USP6: variants seen among roughly 807,000 people sequenced by gnomAD.
USP6 encodes the protein ubiquitin carboxyl-terminal hydrolase 6.
Under a neutral mutation model 175.7 loss-of-function variants are expected in USP6, and 128 were observed. That is an observed-to-expected ratio of 0.73 (90% CI 0.63 to 0.84). The LOEUF (loss-of-function observed/expected upper bound fraction) is 0.84, where lower values mean the gene tolerates loss of function less well. Among genes scored for constraint, USP6 ranks in the 40% least tolerant of loss-of-function variants. The pLI, the probability that USP6 is intolerant of heterozygous loss-of-function variation, is 0.00. For missense variants in USP6, 1,498 were observed against 1,760.3 expected (o/e 0.85, Z 2.67); for synonymous variants, 562 against 630.6 (o/e 0.89, Z 1.63).
At chr17:5,143,230 G>A (rs1220928681) in intron 25 of USP6, among the ~76,000 whole-genome samples, 3 of 152,128 alleles carry the variant, frequency 2.0e-5, no homozygotes, top group African/African-American at 4.8e-5. Flanking sequence ...CCCTCTGCCC[G>A]GCCACCACCC....
At chr17:5,148,453 T>G in intron 29 of USP6, 103 bp from the exon 30 acceptor site, 2 of 1,317,740 alleles carry the variant, frequency 1.5e-6, no homozygotes, top group Non-Finnish European at 2.1e-6. Context: ...CCCTGCCCTG[T>G]GTTAAGAGAC....
At chr17:5,136,488 C>A (rs1057457177) in intron 17 of USP6, 152 bp from the exon 18 acceptor site, 19 of 1,075,362 alleles carry the variant, frequency 1.8e-5, no homozygotes, top group Non-Finnish European at 2.6e-5. Context: ...TGTCCCACCT[C>A]CCCAGGGCAA....
intron 2 of USP6, among the ~76,000 whole-genome samples, chr17:5,119,795 A>C (rs913229000): frequency 1.1e-4 from 17 of 152,182 alleles, no homozygotes; most frequent in African/African-American, 4.1e-4. Context: ...CCATCATCTC[A>C]GCTGATAAAC....
intron 9 of USP6, 129 bp downstream of exon 9, chr17:5,130,218 G>A: frequency 1.4e-6 from 1 of 702,656 alleles, no homozygotes; most frequent in Middle Eastern, 3.9e-4. Flanking sequence ...GGAGGTGTGG[G>A]CCATGGGGTT....
At chr17:5,137,304 A>G (rs780396260) in intron 19 of USP6, 118 bp downstream of exon 19, 54 of 1,300,774 alleles carry the variant, frequency 4.2e-5, no homozygotes, top group Non-Finnish European at 5.9e-5. Context: ...CGGGTCCCCG[A>G]AGGACACACA....
intron 4 of USP6, among the ~76,000 whole-genome samples, chr17:5,122,200 C>T (rs537533497): frequency 1.3e-5 from 2 of 151,966 alleles, no homozygotes; most frequent in African/African-American, 2.4e-5. Context: ...TAGCTCAAAA[C>T]AGCAGGACTG....
At position 5,173,527 on chromosome 17, in the gene USP6, C is replaced by A. The variant is rs1275229804; in HGVS notation, c.*549C>A. 4.6e-6 allele frequency: 1 copy of A among 218,696 alleles called. No individual in the cohort carries two copies. Among genetic ancestry groups the A allele is most frequent in the Non-Finnish European group, 9.2e-6 (1 of 108,720 alleles). The allele number at this position is 218,696 out of a possible 1,614,324, so 13.5% of individuals were successfully genotyped here. A position where few individuals can be genotyped will look rare whatever the true frequency, so the allele number is the denominator to read the frequency against. On this transcript the variant is annotated 3_prime_UTR_variant, in exon 38 of 38. Coordinates refer to ENST00000574788, the MANE Select transcript of USP6 (RefSeq NM_001304284.2). Reference sequence around the variant, plus strand: ...TTTTTAAACTGTTTCCATACCCTTTCTTTTTCTTGCTTTTTGTTTTTGCCA... The same window carrying A: ...TTTTTAAACTGTTTCCATACCCTTTATTTTTCTTGCTTTTTGTTTTTGCCA...
rs2072934252 is a variant in USP6, at chr17:5,127,649, TATAGTC to T, written c.-338+13_-338+18del. On this transcript the variant is annotated intron_variant, in intron 7 of 37. Transcript: ENST00000574788. ...TGAGAAGCCTTCCTGAGTGAGTTTA[TATAGTC>T]ATCCCTTGGTATCCATGGAGGATTA... The T allele has an allele frequency of 6.6e-6, 1 of 152,210 alleles. No homozygotes were observed. The allele number at this position is 152,210 out of a possible 1,614,324, so 9.4% of individuals were successfully genotyped here.
At chr17:5,118,836 C>A (rs903637930) in intron 2 of USP6, among the ~76,000 whole-genome samples, 4 of 152,248 alleles carry the variant, frequency 2.6e-5, no homozygotes, top group Admixed American at 6.5e-5. Flanking sequence ...CTGGCCATCT[C>A]TCTCATCTAC....
rs2072538832 is a variant in USP6, at chr17:5,116,340, T to TCACCACTCCCGGC, written c.-2327_-2326insACCACTCCCGGCC. On this transcript the variant is annotated 5_prime_UTR_variant, in exon 1 of 38. An upstream open reading frame in the 5' UTR gains an earlier in-frame stop. Transcript: ENST00000574788. ...GCGGCCCGCCTCACCACTCCCGGCT[T>TCACCACTCCCGGC]CCCGGGGCTTAGGCCCGCACCATCG... 1 of 137,736 alleles carries TCACCACTCCCGGC rather than the reference T, an allele frequency of 7.3e-6. No individual in the cohort carries two copies. The highest frequency in any genetic ancestry group is 1.7e-5 in the Non-Finnish European group (1 of 58,042). 8.5% of individuals were successfully genotyped at this position (137,736 alleles called of 1,614,324 possible).
chr17:5,147,932 G>A (rs2073657393), intron 29 of USP6, among the ~76,000 whole-genome samples: 1 of 152,120 alleles, frequency 6.6e-6, no homozygotes. Context: ...CCAGCCTGGA[G>A]TGCAGTGGCA....
intron 7 of USP6, chr17:5,128,463 A>G (rs1168583981): frequency 6.6e-6 from 1 of 151,922 alleles, no homozygotes; most frequent in South Asian, 2.1e-4. Flanking sequence ...ACTTCCCTCC[A>G]CTCCTATGTG....
Position 5,173,799 on chromosome 17 carries a change from G to A in USP6, c.*821G>A, listed in dbSNP as rs2074273055. 9.0e-6 allele frequency: 2 copies of A among 222,900 alleles called. No individual in the cohort carries two copies. The highest frequency in any genetic ancestry group is 9.0e-6 in the Non-Finnish European group (1 of 111,282). 13.8% of individuals were successfully genotyped at this position (222,900 alleles called of 1,614,324 possible). A position where few individuals can be genotyped will look rare whatever the true frequency, so the allele number is the denominator to read the frequency against. On this transcript the variant is annotated 3_prime_UTR_variant, in exon 38 of 38. Coordinates refer to ENST00000574788, the MANE Select transcript of USP6 (RefSeq NM_001304284.2). The stretch of plus-strand genomic sequence containing the variant: ...CCCCGCCCATGCTGAGGGAAGGGGA[G>A]CAGTTGCCAATATTTGCACCATCTT...
intron 31 of USP6, among the ~76,000 whole-genome samples, chr17:5,156,136 GAAGT>G (rs1185576617): frequency 2.6e-5 from 4 of 151,998 alleles, no homozygotes; most frequent in Non-Finnish European, 4.4e-5. Flanking sequence ...ATTTTAACGT[GAAGT>G]AATTTCATAA....
chr17:5,151,090 TC>T (rs2073758268), intron 30 of USP6, among the ~76,000 whole-genome samples: 2 of 152,068 alleles, frequency 1.3e-5, no homozygotes. Context: ...TCTACAAACA[TC>T]CTTTTACCAA....
intron 21 of USP6, among the ~76,000 whole-genome samples, 198 bp downstream of exon 21, chr17:5,138,471 T>G (rs2143916338): frequency 6.6e-6 from 1 of 152,288 alleles, no homozygotes; most frequent in South Asian, 2.1e-4. Context: ...ACTGGATGTG[T>G]TGTGCACGCA....
Position 5,137,105 on chromosome 17 carries a change from C to T in USP6, c.760-16C>T, listed in dbSNP as rs1438954962. ...GCAGCCCAGGGGGCCCTGAGCACCTCTGTTCATCCCATCAGGACAAGGAAG... is the reference window on the plus strand; with the variant it reads ...GCAGCCCAGGGGGCCCTGAGCACCTTTGTTCATCCCATCAGGACAAGGAAG... On this transcript the variant is annotated splice_polypyrimidine_tract_variant and intron_variant, in intron 18 of 37. Coordinates refer to ENST00000574788, the MANE Select transcript of USP6 (RefSeq NM_001304284.2). The T allele has an allele frequency of 6.2e-7, 1 of 1,613,396 alleles. No individual in the cohort carries two copies. Among genetic ancestry groups the T allele is most frequent in the East Asian group, 2.2e-5 (1 of 44,858 alleles).
intron 15 of USP6, chr17:5,134,791 A>G (rs999158553): frequency 4.1e-6 from 1 of 242,014 alleles, no homozygotes; most frequent in Admixed American, 5.1e-5. Context: ...GAAAAGGCCA[A>G]ACCATAGGGA....
chr17:5,148,777 A>G lies in USP6; in HGVS notation c.2643+10A>G, dbSNP rs752931853. 9.9e-6 allele frequency: 16 copies of G among 1,609,528 alleles called. No individual in the cohort carries two copies. Among genetic ancestry groups the G allele is most frequent in the Admixed American group, 1.7e-5 (1 of 59,896 alleles). On this transcript the variant is annotated intron_variant, in intron 30 of 37. Coordinates refer to ENST00000574788, the MANE Select transcript of USP6 (RefSeq NM_001304284.2). The stretch of plus-strand genomic sequence containing the variant: ...AGTCCACCGAAAAATGGTTAGTTAA[A>G]TGTTAGGCAACTCACTGCCAGTCTT...
Sources: allele counts gnomAD v4.1 joint callset (sites outside exome capture counted in the v4.1 genomes callset), GRCh38; gene constraint gnomAD v4.1.1; transcripts MANE v1.5; gene names NCBI Gene and HGNC (gene_info 2026-07-23, HGNC 2026-07-21).